The following NFIA variants were observed in gnomAD, a reference collection of about 807,000 sequenced individuals.
NFIA encodes the protein nuclear factor 1 A-type.
Under a neutral mutation model 62.8 loss-of-function variants are expected in NFIA, and 8 were observed. The observed-to-expected ratio is 0.13, with a 90% CI of 0.07 to 0.23. NFIA has a LOEUF of 0.23. Ranked by LOEUF, NFIA falls within the 10% of genes least tolerant of loss-of-function variation. NFIA has a pLI of 1.00. For missense variants in NFIA, 410 were observed against 642.1 expected (o/e 0.64, Z 3.91); for synonymous variants, 235 against 238.1 (o/e 0.99, Z 0.12).
At chr1:61,357,037 C>T (rs760079588) in intron 5 of NFIA, among the ~76,000 whole-genome samples, 1 of 152,142 alleles carries the variant, frequency 6.6e-6, no homozygotes, top group African/African-American at 2.4e-5. Flanking sequence ...TAGATTATTT[C>T]GGGGAGTCTA....
At chr1:61,390,817 C>A (rs1385930741) in intron 7 of NFIA, among the ~76,000 whole-genome samples, 1 of 152,048 alleles carries the variant, frequency 6.6e-6, no homozygotes, top group African/African-American at 2.4e-5. Flanking sequence ...TCTCTGAATC[C>A]CTCCGCCTTG....
chr1:61,423,265 TTC>T (rs934001918), intron 9 of NFIA, among the ~76,000 whole-genome samples: 3 of 151,910 alleles, frequency 2.0e-5, no homozygotes, highest in Non-Finnish European at 4.4e-5. Flanking sequence ...AGCAAACACT[TTC>T]TGTTTCAGAA....
intron 3 of NFIA, among the ~76,000 whole-genome samples, chr1:61,301,931 C>T (rs1659516594): frequency 6.6e-6 from 1 of 152,154 alleles, no homozygotes; most frequent in Non-Finnish European, 1.5e-5. Flanking sequence ...AGCACTTAGC[C>T]GCTGCTGACC....
At chr1:61,086,186 A>G (rs575407272) in intron 1 of NFIA, among the ~76,000 whole-genome samples, 4 of 152,246 alleles carry the variant, frequency 2.6e-5, no homozygotes, top group African/African-American at 4.8e-5. Context: ...TTTTTGCATA[A>G]TACAACAGAG....
chr1:61,190,849 C>G (rs926544549), intron 2 of NFIA, among the ~76,000 whole-genome samples: 4 of 152,154 alleles, frequency 2.6e-5, no homozygotes. Context: ...TTCTCCATGG[C>G]AGTCTTTGTA....
At chr1:61,357,436 C>A (rs980116966) in intron 5 of NFIA, among the ~76,000 whole-genome samples, 1 of 152,146 alleles carries the variant, frequency 6.6e-6, no homozygotes, top group South Asian at 2.1e-4. Flanking sequence ...TGACAGTTTG[C>A]CCATTGATAA....
chr1:61,343,842 T>C (rs1244446509), intron 4 of NFIA, among the ~76,000 whole-genome samples: 1 of 152,218 alleles, frequency 6.6e-6, no homozygotes, highest in African/African-American at 2.4e-5. Context: ...GTGGTCATTT[T>C]TCTAACCCAT....
At chr1:61,216,964 C>T (rs537139015) in intron 2 of NFIA, among the ~76,000 whole-genome samples, 94 of 151,980 alleles carry the variant, frequency 6.2e-4, no homozygotes, top group African/African-American at 2.2e-3. Context: ...CACGCCATTG[C>T]ACTCCAGCCT....
In NFIA at chr1:61,082,708, C is replaced by G; in HGVS notation, c.-84C>G. ...TCTCTCTCTCTCTCTTCCTCTCTCCCTCTTTCTCCTCTCTCACCCACACTC... is the reference window on the plus strand; with the variant it reads ...TCTCTCTCTCTCTCTTCCTCTCTCCGTCTTTCTCCTCTCTCACCCACACTC... On this transcript the variant is annotated 5_prime_UTR_variant, in exon 1 of 11. Coordinates refer to ENST00000403491, the MANE Select transcript of NFIA (RefSeq NM_001134673.4). The G allele has an allele frequency of 6.5e-7, 1 of 1,547,846 alleles. No homozygotes were observed. The highest frequency in any genetic ancestry group is 1.4e-5 in the African/African-American group (1 of 72,818).
chr1:61,417,201 A>G (rs1032726826), intron 9 of NFIA, among the ~76,000 whole-genome samples: 1 of 151,714 alleles, frequency 6.6e-6, no homozygotes, highest in Non-Finnish European at 1.5e-5. Flanking sequence ...ATAGAAAAGC[A>G]TAAAAAAGAA....
chr1:61,210,883 T>C (rs1653208468), intron 2 of NFIA, among the ~76,000 whole-genome samples: 1 of 152,242 alleles, frequency 6.6e-6, no homozygotes. Flanking sequence ...AATATTCTTC[T>C]AGTTTGCCTA....
intron 2 of NFIA, among the ~76,000 whole-genome samples, chr1:61,261,704 A>G (rs1267841157): frequency 6.6e-6 from 1 of 152,246 alleles, no homozygotes; most frequent in Non-Finnish European, 1.5e-5. Flanking sequence ...TACAGGCCTA[A>G]TGTAAGGTAC....
At chr1:61,337,322 AT>A (rs11395065) in intron 4 of NFIA, among the ~76,000 whole-genome samples, 1 of 151,090 alleles carries the variant, frequency 6.6e-6, no homozygotes, top group Non-Finnish European at 1.5e-5. Context: ...CCACCTTTTA[AT>A]TTTTTTTTTC....
intron 2 of NFIA, among the ~76,000 whole-genome samples, chr1:61,123,778 T>A (rs765073859): frequency 1.3e-5 from 2 of 152,206 alleles, no homozygotes; most frequent in Non-Finnish European, 2.9e-5. Flanking sequence ...CATATGATAT[T>A]TAATCCATCA....
intron 2 of NFIA, among the ~76,000 whole-genome samples, chr1:61,101,251 C>T (rs1285598091): frequency 2.6e-5 from 4 of 151,784 alleles, no homozygotes; most frequent in African/African-American, 4.8e-5. Flanking sequence ...CAAAATTAGC[C>T]GGGTGTGGTG....
intron 7 of NFIA, among the ~76,000 whole-genome samples, chr1:61,396,992 A>G (rs1665311507): frequency 7.1e-6 from 1 of 141,108 alleles, no homozygotes; most frequent in Admixed American, 7.3e-5. Flanking sequence ...ACAGAGTGAG[A>G]CTCTGTCTCC....
intron 2 of NFIA, among the ~76,000 whole-genome samples, chr1:61,093,106 G>A (rs1646348979): frequency 6.6e-6 from 1 of 151,884 alleles, no homozygotes; most frequent in Non-Finnish European, 1.5e-5. Context: ...TTAATTTTTA[G>A]GTAACTTCCT....
Position 61,299,836 on chromosome 1 carries a change from AAAGT to A in NFIA, c.625+22254_625+22257del, listed in dbSNP as rs1196805933. On this transcript the variant is annotated intron_variant, in intron 3 of 10. Transcript: ENST00000403491. ...TAAGTTGTATTTAATAAACAGAAAG[AAAGT>A]AACAAACAGGCCAATACCTTCACTG... Among the ~76,000 whole-genome samples the A allele has an allele frequency of 2.0e-5, 3 of 152,324 alleles. No homozygotes were observed. The East Asian group carries it at 5.8e-4, about 29-fold the overall frequency.
At chr1:61,087,100 A>C (rs1258507674) in intron 1 of NFIA, among the ~76,000 whole-genome samples, 1 of 152,124 alleles carries the variant, frequency 6.6e-6, no homozygotes, top group Non-Finnish European at 1.5e-5. Flanking sequence ...ATTTCCTAAG[A>C]AAATGTCATG....
Sources: allele counts gnomAD v4.1 joint callset (sites outside exome capture counted in the v4.1 genomes callset), GRCh38; gene constraint gnomAD v4.1.1; transcripts MANE v1.5; gene names NCBI Gene and HGNC (gene_info 2026-07-23, HGNC 2026-07-21).